CCDC85A: variants seen among roughly 807,000 people sequenced by gnomAD.
CCDC85A encodes coiled-coil domain containing 85A.
In CCDC85A, 38 loss-of-function variants were observed where a neutral mutation model predicts 50.2. The observed-to-expected ratio is 0.76, with a 90% CI of 0.58 to 0.99. The LOEUF (loss-of-function observed/expected upper bound fraction) is 0.99, where lower values mean the gene tolerates loss of function less well. Among genes scored for constraint, CCDC85A ranks in the 50% least tolerant of loss-of-function variants. The probability of loss-of-function intolerance (pLI) is 0.00; values close to 1 mark genes in which losing one functional copy is unlikely to be tolerated. For synonymous variants in CCDC85A, 366 were observed against 301.4 expected (o/e 1.21, Z -2.22); for missense variants, 820 against 742.0 (o/e 1.11, Z -1.22).
chr2:56,208,639 A>G (rs1489756916), intron 2 of CCDC85A, among the ~76,000 whole-genome samples: 1 of 152,096 alleles, frequency 6.6e-6, no homozygotes, highest in East Asian at 1.9e-4. Flanking sequence ...AGGTTGATTC[A>G]GAGAGAGAAG....
intron 2 of CCDC85A, among the ~76,000 whole-genome samples, chr2:56,220,185 T>C (rs972423893): frequency 2.6e-5 from 4 of 151,986 alleles, no homozygotes; most frequent in Non-Finnish European, 5.9e-5. Context: ...TTCGTGCATA[T>C]ATTTGTCAGT....
chr2:56,306,888 AT>A (rs946019263), intron 2 of CCDC85A, among the ~76,000 whole-genome samples: 27 of 150,510 alleles, frequency 1.8e-4, no homozygotes, highest in South Asian at 8.5e-4. Flanking sequence ...ATATGAGTTA[AT>A]TTTTTTTTTC....
At chr2:56,293,716 A>G (rs761728027) in intron 2 of CCDC85A, among the ~76,000 whole-genome samples, 4 of 152,194 alleles carry the variant, frequency 2.6e-5, no homozygotes, top group African/African-American at 9.6e-5. Context: ...GCTCAACATC[A>G]CTGATCATTA....
chr2:56,273,596 C>G (rs1670794085), intron 2 of CCDC85A, among the ~76,000 whole-genome samples: 1 of 151,784 alleles, frequency 6.6e-6, no homozygotes, highest in Non-Finnish European at 1.5e-5. Flanking sequence ...TAAAATGTGT[C>G]TTTCATATAA....
At chr2:56,187,119 T>C (rs1422074702) in intron 1 of CCDC85A, among the ~76,000 whole-genome samples, 4 of 152,208 alleles carry the variant, frequency 2.6e-5, no homozygotes, top group Admixed American at 1.3e-4. Context: ...ACCATAGTAA[T>C]CCATAAATGT....
rs77605266 is a variant in CCDC85A at position 56,367,609 on chromosome 2, T to C, written c.1318-4735T>C. On this transcript the variant is annotated intron_variant, in intron 3 of 5. Coordinates refer to ENST00000407595, the MANE Select transcript of CCDC85A (RefSeq NM_001080433.2). ...GATATTTGGCAACATCCTTGGCCTC[T>C]ACCCACTAAATGCCAGTAGAAACTG... is the stretch of plus-strand genomic sequence containing the variant. 1.0e-3 allele frequency among the ~76,000 whole-genome samples: 158 copies of C among 152,296 alleles called. 2 individuals carry two copies. The East Asian group carries it at 0.014, about 14-fold the overall frequency.
At chr2:56,356,776 G>C (rs1675251297) in intron 3 of CCDC85A, among the ~76,000 whole-genome samples, 2 of 149,072 alleles carry the variant, frequency 1.3e-5, no homozygotes, top group South Asian at 4.2e-4. Flanking sequence ...GTCATTTTAA[G>C]ATTGAGCCCT....
chr2:56,255,362 A>AC (rs1558608426), intron 2 of CCDC85A, among the ~76,000 whole-genome samples: 25 of 152,282 alleles, frequency 1.6e-4, no homozygotes, highest in African/African-American at 5.8e-4. Context: ...GGAGTCAAAA[A>AC]GGGGGAGGTA....
At chr2:56,203,278 A>G (rs762358406) in intron 2 of CCDC85A, among the ~76,000 whole-genome samples, 10 of 152,184 alleles carry the variant, frequency 6.6e-5, no homozygotes, top group Non-Finnish European at 1.3e-4. Context: ...TTTGCCATGA[A>G]TAGCTCCCCC....
At chr2:56,200,880 T>A (rs773105004) in intron 2 of CCDC85A, among the ~76,000 whole-genome samples, 1 of 152,124 alleles carries the variant, frequency 6.6e-6, no homozygotes, top group Non-Finnish European at 1.5e-5. Flanking sequence ...CTGATCAAAA[T>A]TAGGCACATA....
rs776492606 is a variant in CCDC85A, at chr2:56,384,377, G to A, written c.*22G>A. ...GTGAGATGCACTCTTTTTCAAACAG[G>A]AGATCACCACTGCCAGAAAGTGATA... On this transcript the variant is annotated 3_prime_UTR_variant, in exon 6 of 6. Coordinates refer to ENST00000407595, the MANE Select transcript of CCDC85A (RefSeq NM_001080433.2). The A allele has an allele frequency of 1.2e-5, 19 of 1,588,548 alleles. No homozygotes were observed. In the South Asian group the frequency reaches 2.1e-4, roughly 18 times the overall value.
intron 2 of CCDC85A, among the ~76,000 whole-genome samples, chr2:56,259,353 T>C (rs1200795951): frequency 6.6e-6 from 1 of 152,134 alleles, no homozygotes; most frequent in African/African-American, 2.4e-5. Flanking sequence ...GAGAAAGCTG[T>C]GACCAAGGAG....
At chr2:56,249,820 G>A (rs901915735) in intron 2 of CCDC85A, among the ~76,000 whole-genome samples, 1 of 152,294 alleles carries the variant, frequency 6.6e-6, no homozygotes, top group South Asian at 2.1e-4. Context: ...GGGCCCTGGG[G>A]CATTTGTGTC....
chr2:56,203,475 G>A (rs1676829178), intron 2 of CCDC85A, among the ~76,000 whole-genome samples: 1 of 151,540 alleles, frequency 6.6e-6, no homozygotes, highest in Non-Finnish European at 1.5e-5. Flanking sequence ...AATTTCTTTG[G>A]CTTTTTTCCT....
At chr2:56,212,459 AGAGG>A (rs1677217933) in intron 2 of CCDC85A, among the ~76,000 whole-genome samples, 2 of 152,080 alleles carry the variant, frequency 1.3e-5, no homozygotes, top group Middle Eastern at 3.4e-3. Flanking sequence ...ATAATGGGAG[AGAGG>A]ACCCTTTGGC....
chr2:56,254,161 G>T (rs1357941081), intron 2 of CCDC85A, among the ~76,000 whole-genome samples: 1 of 152,096 alleles, frequency 6.6e-6, no homozygotes, highest in African/African-American at 2.4e-5. Flanking sequence ...GTTAGCTGGA[G>T]TAATTGTTCA....
intron 2 of CCDC85A, among the ~76,000 whole-genome samples, chr2:56,275,761 C>T (rs762802789): frequency 9.2e-5 from 14 of 152,164 alleles, no homozygotes; most frequent in Non-Finnish European, 1.9e-4. Context: ...TCATCATGAC[C>T]TTTATAACTA....
chr2:56,234,014 A>C (rs1260100655), intron 2 of CCDC85A, among the ~76,000 whole-genome samples: 1 of 152,068 alleles, frequency 6.6e-6, no homozygotes, highest in East Asian at 1.9e-4. Context: ...GAAGGATAAA[A>C]TTTTTCTAAA....
At chr2:56,197,154 C>G (rs578227437) in intron 2 of CCDC85A, among the ~76,000 whole-genome samples, 2 of 152,126 alleles carry the variant, frequency 1.3e-5, no homozygotes, top group African/African-American at 4.8e-5. Flanking sequence ...GGGTATCTCT[C>G]GAGATGGAAA....
Sources: gnomAD v4.1 joint callset for allele counts (sites outside exome capture counted in the v4.1 genomes callset) on GRCh38, gnomAD v4.1.1 for gene constraint, MANE v1.5 for transcripts, NCBI Gene and HGNC (gene_info 2026-07-23, HGNC 2026-07-21) for gene names.